SNX30: variants seen among roughly 807,000 people sequenced by gnomAD.
The protein encoded by SNX30 is sorting nexin-30.
In SNX30, 24 loss-of-function variants were observed where a neutral mutation model predicts 46.4. The ratio of observed to expected loss-of-function variants is 0.52; its 90% confidence interval spans 0.37 to 0.73. The LOEUF (loss-of-function observed/expected upper bound fraction) is 0.73, where lower values mean the gene tolerates loss of function less well. Ranked by LOEUF, SNX30 falls within the 30% of genes least tolerant of loss-of-function variation. The probability of loss-of-function intolerance (pLI) is 0.00; values close to 1 mark genes in which losing one functional copy is unlikely to be tolerated. For missense variants in SNX30, 533 were observed against 555.7 expected, an observed-to-expected ratio of 0.96 and a Z score of 0.41; for synonymous variants, 189 against 211.5, an observed-to-expected ratio of 0.89 and a Z score of 0.92.
At chr9:112,810,601 G>T (rs1362615736) in intron 2 of SNX30, among the ~76,000 whole-genome samples, 1 of 152,198 alleles carries the variant, frequency 6.6e-6, no homozygotes, top group Non-Finnish European at 1.5e-5. Flanking sequence ...TTTAGAGGGA[G>T]ATGTGTGGGT....
At chr9:112,865,661 A>ATATGTGTGTGTGTGTGTG in intron 8 of SNX30, among the ~76,000 whole-genome samples, 1 of 105,702 alleles carries the variant, frequency 9.5e-6, no homozygotes, top group East Asian at 2.8e-4. Flanking sequence ...ATATATATAT[A>ATATGTGTGTGTGTGTGTG]TGTATGTATG....
chr9:112,880,779 TG>T (rs1346957974), intron 5 of SNX30, among the ~76,000 whole-genome samples: 13 of 152,230 alleles, frequency 8.5e-5, no homozygotes, highest in Admixed American at 1.3e-4. Context: ...TCTTTATCAC[TG>T]GTAGACTGAA....
chr9:112,825,018 C>G (rs1334861241), intron 3 of SNX30, among the ~76,000 whole-genome samples: 2 of 152,210 alleles, frequency 1.3e-5, no homozygotes, highest in African/African-American at 2.4e-5. Context: ...CCCAGCCCGG[C>G]TATAATGAAG....
Position 112,751,017 on chromosome 9 carries a change from C to T in SNX30, c.16C>T (p.Pro6Ser). The stretch of plus-strand genomic sequence containing the variant: ...GGTGCGCGCCATGGCGGGCGGGCCC[C>T]CCAAGGCCCTGCCGTCCACGGGGCC... Reference protein sequence around the residue: MAGGPPKALPSTGPHS... With the variant: MAGGPSKALPSTGPHS... The change falls in exon 1 of 9, where the codon CCC becomes TCC. Residue 6 changes from proline (P) to serine (S), a missense_variant. By Grantham distance (74) the Pro-to-Ser change is moderately conservative. Around this residue, in one of 3 missense-constraint regions of SNX30, gnomAD observed 191 missense variants for 160.3 expected, o/e 1.19. Transcript: ENST00000374232. The T allele has an allele frequency of 7.2e-7, 1 of 1,390,704 alleles. No homozygotes were observed. Among genetic ancestry groups the T allele is most frequent in the Non-Finnish European group, 9.3e-7 (1 of 1,070,032 alleles). The allele number at this position is 1,390,704 out of a possible 1,614,324, so 86.1% of individuals were successfully genotyped here. A position where few individuals can be genotyped will look rare whatever the true frequency, so the allele number is the denominator to read the frequency against.
intron 1 of SNX30, among the ~76,000 whole-genome samples, chr9:112,780,550 T>C (rs944968170): frequency 2.0e-5 from 3 of 152,222 alleles, no homozygotes; most frequent in African/African-American, 7.2e-5. Flanking sequence ...GAAGCTGTTT[T>C]CTTTGCACCA....
Position 112,849,083 on chromosome 9 carries a change from T to C in SNX30, c.1015-1776T>C, listed in dbSNP as rs74891353. 3.0e-4 allele frequency among the ~76,000 whole-genome samples: 45 copies of C among 152,262 alleles called. No homozygotes were observed. The East Asian group carries it at 8.5e-3, about 29-fold the overall frequency. On this transcript the variant is annotated intron_variant, in intron 6 of 8. Transcript: ENST00000374232. ...GTGGTTTTTTTTTCCAGTAAGATGC[T>C]AGGCATCCTGTGAAGGGAAGTGCAC...
intron 1 of SNX30, among the ~76,000 whole-genome samples, chr9:112,777,231 A>G (rs978943833): frequency 6.6e-6 from 1 of 151,816 alleles, no homozygotes; most frequent in African/African-American, 2.4e-5. Flanking sequence ...TAATGGGTTT[A>G]TTTTTATTTT....
intron 4 of SNX30, among the ~76,000 whole-genome samples, chr9:112,832,538 C>A (rs1162494547): frequency 1.6e-5 from 2 of 128,550 alleles, no homozygotes; most frequent in African/African-American, 6.0e-5. Flanking sequence ...GTGGGCCAGG[C>A]AGTATGAAAA....
At chr9:112,826,908 G>T (rs186980749) in intron 3 of SNX30, among the ~76,000 whole-genome samples, 2 of 152,196 alleles carry the variant, frequency 1.3e-5, no homozygotes, top group Non-Finnish European at 2.9e-5. Flanking sequence ...TGAGTGGCCC[G>T]TCTGTCTGAT....
chr9:112,845,365 A>G (rs1193600922), intron 6 of SNX30, among the ~76,000 whole-genome samples: 1 of 152,210 alleles, frequency 6.6e-6, no homozygotes, highest in Non-Finnish European at 1.5e-5. Flanking sequence ...AACCCTCCAA[A>G]AAGGTCAAGA....
intron 6 of SNX30, among the ~76,000 whole-genome samples, chr9:112,849,108 CA>C (rs1840984721): frequency 6.6e-6 from 1 of 152,144 alleles, no homozygotes; most frequent in African/African-American, 2.4e-5. Flanking sequence ...GGGAAGTGCA[CA>C]CCAGTGATAA....
In SNX30 at chr9:112,872,972, A is replaced by T. The variant is rs7032763; in HGVS notation, c.*4129A>T. The stretch of plus-strand genomic sequence containing the variant: ...TTTTCAATTCAGTGAATAAACCAGG[A>T]ATCCATTTTTTCACCAACCCACCCT... On this transcript the variant is annotated 3_prime_UTR_variant, in exon 9 of 9. Transcript: ENST00000374232. 0.74 allele frequency: 112,925 copies of T among 152,094 alleles called. 42,645 individuals carry two copies. Among genetic ancestry groups the T allele is most frequent in the Non-Finnish European group, 0.81 (55,008 of 67,998 alleles). 9.4% of individuals were successfully genotyped at this position (152,094 alleles called of 1,614,324 possible). A position where few individuals can be genotyped will look rare whatever the true frequency, so the allele number is the denominator to read the frequency against.
At chr9:112,766,278 C>A (rs1226249609) in intron 1 of SNX30, among the ~76,000 whole-genome samples, 1 of 152,072 alleles carries the variant, frequency 6.6e-6, no homozygotes, top group Non-Finnish European at 1.5e-5. Flanking sequence ...GTGAATAATA[C>A]TTCATTTTAT....
At chr9:112,757,901 C>T (rs1564257991) in intron 1 of SNX30, among the ~76,000 whole-genome samples, 1 of 152,166 alleles carries the variant, frequency 6.6e-6, no homozygotes. Flanking sequence ...AGGGTTGCTG[C>T]CAATGTAAGT....
In SNX30 at chr9:112,873,966, A is replaced by T. The variant is rs1170564804; in HGVS notation, c.*5123A>T. On this transcript the variant is annotated 3_prime_UTR_variant, in exon 9 of 9. Transcript: ENST00000374232. The stretch of plus-strand genomic sequence containing the variant: ...CGAGGAGCATTGCATATTCTCTGTC[A>T]GCAGCAGCACTCCCACACCAGGTGG... 6.6e-6 allele frequency: 1 copy of T among 152,250 alleles called. No individual in the cohort carries two copies. The highest frequency in any genetic ancestry group is 1.5e-5 in the Non-Finnish European group (1 of 68,050). The allele number at this position is 152,250 out of a possible 1,614,324, so 9.4% of individuals were successfully genotyped here.
At chr9:112,822,690 T>G (rs1840522606) in intron 3 of SNX30, among the ~76,000 whole-genome samples, 1 of 152,254 alleles carries the variant, frequency 6.6e-6, no homozygotes, top group African/African-American at 2.4e-5. Flanking sequence ...TTCCATGGTT[T>G]CAGTTACCTG....
intron 7 of SNX30, among the ~76,000 whole-genome samples, chr9:112,851,710 C>T (rs941226756): frequency 2.0e-5 from 3 of 152,172 alleles, no homozygotes; most frequent in South Asian, 2.1e-4. Context: ...TTATTCAAAT[C>T]ATTCTCCCTG....
chr9:112,879,673 T>C, downstream of SNX30: 2 of 1,256,290 alleles, frequency 1.6e-6, no homozygotes, highest in South Asian at 1.3e-5. Context: ...AGCAGTGGGT[T>C]GCTTAGGTCA....
chr9:112,818,928 T>C (rs1217963597), intron 3 of SNX30, among the ~76,000 whole-genome samples: 1 of 152,214 alleles, frequency 6.6e-6, no homozygotes, highest in Non-Finnish European at 1.5e-5. Flanking sequence ...TCTCCGAGCC[T>C]GAAGTTTTGC....
Sources: gnomAD v4.1 joint callset for allele counts (sites outside exome capture counted in the v4.1 genomes callset) on GRCh38, gnomAD v4.1.1 for gene constraint, gnomAD v4.1.1 regional missense constraint, MANE v1.5 for transcripts, NCBI Gene and HGNC (gene_info 2026-07-23, HGNC 2026-07-21) for gene names.